Variants in SLC6A17 observed in about 807,000 individuals in gnomAD.
SLC6A17 encodes solute carrier family 6 member 17, also known as sodium-dependent neutral amino acid transporter SLC6A17.
A neutral mutation model predicts 64.5 loss-of-function variants in SLC6A17; 21 were observed. That is an observed-to-expected ratio of 0.33 (90% confidence interval 0.23 to 0.47). The LOEUF (loss-of-function observed/expected upper bound fraction) is 0.47, where lower values mean the gene tolerates loss of function less well. Among genes scored for constraint, SLC6A17 ranks in the 20% least tolerant of loss-of-function variants. SLC6A17 has a pLI of 1.00. For missense variants in SLC6A17, 682 were observed against 963.2 expected (o/e 0.71, Z 3.86); for synonymous variants, 372 against 399.5 (o/e 0.93, Z 0.82).
At chr1:110,178,074 A>T (rs983911146) in intron 6 of SLC6A17, 2 of 152,256 alleles carry the variant, frequency 1.3e-5, no homozygotes, top group African/African-American at 2.4e-5. Flanking sequence ...AAGAAAAAAT[A>T]AAAAACCTGG....
chr1:110,186,347 G>T (rs1656682809), intron 6 of SLC6A17, among the ~76,000 whole-genome samples: 1 of 151,386 alleles, frequency 6.6e-6, no homozygotes, highest in African/African-American at 2.4e-5. Context: ...GGTTTAGGGT[G>T]TGATGGAAAT....
At position 110,174,241 on chromosome 1, in the gene SLC6A17, T is replaced by C. The variant is rs1237647719; in HGVS notation, c.571+142T>C. 5 of 1,215,956 alleles carry C rather than the reference T, an allele frequency of 4.1e-6. No individual in the cohort carries two copies. The African/African-American group carries it at 7.7e-5, about 19-fold the overall frequency. The allele number at this position is 1,215,956 out of a possible 1,614,324, so 75.3% of individuals were successfully genotyped here. On this transcript the variant is annotated intron_variant, in intron 4 of 11. Coordinates refer to ENST00000331565, the MANE Select transcript of SLC6A17 (RefSeq NM_001010898.4). ...TAACATCTCTGATCCTCATTTCCCCTTCCCCAGTGGGAATGGTCTCTTTTC... is the reference window on the plus strand; with the variant it reads ...TAACATCTCTGATCCTCATTTCCCCCTCCCCAGTGGGAATGGTCTCTTTTC...
At chr1:110,190,870 TTAGTTATCACTC>T in intron 6 of SLC6A17, among the ~76,000 whole-genome samples, 1 of 152,312 alleles carries the variant, frequency 6.6e-6, no homozygotes, top group East Asian at 1.9e-4. Context: ...TATCTATATT[TTAGTTATCACTC>T]TGCCCCGACT....
At chr1:110,173,509 C>T (rs1656294942) in intron 3 of SLC6A17, among the ~76,000 whole-genome samples, 1 of 152,132 alleles carries the variant, frequency 6.6e-6, no homozygotes, top group Non-Finnish European at 1.5e-5. Flanking sequence ...CTAACATGCC[C>T]GAGAGAGTGG....
At chr1:110,173,409 C>T (rs938770299) in intron 3 of SLC6A17, among the ~76,000 whole-genome samples, 3 of 152,216 alleles carry the variant, frequency 2.0e-5, no homozygotes, top group Non-Finnish European at 4.4e-5. Context: ...CAGGCAGAGT[C>T]CATGCACTCC....
chr1:110,192,820 A>G lies in SLC6A17; in HGVS notation c.1299+122A>G, dbSNP rs1213094935. 2.2e-5 allele frequency: 25 copies of G among 1,132,914 alleles called. No individual in the cohort carries two copies. The highest frequency in any genetic ancestry group is 1.8e-4 in the East Asian group (7 of 38,390). The allele number at this position is 1,132,914 out of a possible 1,614,324, so 70.2% of individuals were successfully genotyped here. A position where few individuals can be genotyped will look rare whatever the true frequency, so the allele number is the denominator to read the frequency against. ...TAGTCATTAGTTTACTTGGTAAGCA[A>G]GGATCTGCTGTGTGTCCAGAGGGAG... On this transcript the variant is annotated intron_variant, in intron 8 of 11. Coordinates refer to ENST00000331565, the MANE Select transcript of SLC6A17 (RefSeq NM_001010898.4). This position sits in a 1 kb window ranked among gnomAD's most constrained non-coding sequence, Gnocchi z 4.3.
Position 110,166,823 on chromosome 1 carries a change from C to T in SLC6A17, c.-87-20C>T. The T allele has an allele frequency of 7.1e-7, 1 of 1,410,026 alleles. No individual in the cohort carries two copies. Among genetic ancestry groups the T allele is most frequent in the Non-Finnish European group, 9.4e-7 (1 of 1,059,242 alleles). 87.3% of individuals were successfully genotyped at this position (1,410,026 alleles called of 1,614,324 possible). Reference sequence around the variant, plus strand: ...CCTGGTGTGGTCAGATAATCCTTTACTGCTCACCTGGTTTCCTAGGTCCCT... The same window carrying T: ...CCTGGTGTGGTCAGATAATCCTTTATTGCTCACCTGGTTTCCTAGGTCCCT... On this transcript the variant is annotated intron_variant, in intron 1 of 11. Coordinates refer to ENST00000331565, the MANE Select transcript of SLC6A17 (RefSeq NM_001010898.4).
chr1:110,189,245 C>T (rs1656764442), intron 6 of SLC6A17, among the ~76,000 whole-genome samples: 1 of 152,214 alleles, frequency 6.6e-6, no homozygotes, highest in Non-Finnish European at 1.5e-5. Flanking sequence ...ACACATTCAG[C>T]TCAACCTTTG....
At chr1:110,173,835 A>G in intron 3 of SLC6A17, 138 bp from the exon 4 acceptor site, 1 of 1,292,326 alleles carries the variant, frequency 7.7e-7, no homozygotes, top group Non-Finnish European at 1.0e-6. Flanking sequence ...CACGGCCCGC[A>G]CCCTATCCCT....
chr1:110,158,691 A>G (rs1157662580), intron 1 of SLC6A17, among the ~76,000 whole-genome samples: 2 of 152,252 alleles, frequency 1.3e-5, no homozygotes, highest in African/African-American at 4.8e-5. Flanking sequence ...CATAAATGGC[A>G]GAGCAGGACT....
chr1:110,189,809 G>A (rs568987794), intron 6 of SLC6A17, among the ~76,000 whole-genome samples: 2 of 152,178 alleles, frequency 1.3e-5, no homozygotes, highest in South Asian at 2.1e-4. Context: ...TTGTGGCCTC[G>A]CTTTCATCAG....
chr1:110,156,745 A>C (rs1396845206), intron 1 of SLC6A17, among the ~76,000 whole-genome samples: 2 of 152,164 alleles, frequency 1.3e-5, no homozygotes, highest in East Asian at 3.8e-4. Flanking sequence ...GCTGCACTGG[A>C]GGCTGATGAG....
Position 110,171,518 on chromosome 1 carries a change from G to A in SLC6A17, c.287-542G>A, listed in dbSNP as rs59396652. On this transcript the variant is annotated intron_variant, in intron 2 of 11. Coordinates refer to ENST00000331565, the MANE Select transcript of SLC6A17 (RefSeq NM_001010898.4). Reference sequence around the variant, plus strand: ...TAGCTGTAGATTAGTGGCAAAGCTGGTCAGACCCCCTCTCCCTGGAGAGCT... The same window carrying A: ...TAGCTGTAGATTAGTGGCAAAGCTGATCAGACCCCCTCTCCCTGGAGAGCT... Among the ~76,000 whole-genome samples the A allele has an allele frequency of 8.6e-3, 1,306 of 152,228 alleles. 16 individuals carry two copies. The highest frequency in any genetic ancestry group is 0.03 in the African/African-American group (1,241 of 41,522).
chr1:110,191,562 C>T (rs951888498), intron 6 of SLC6A17, among the ~76,000 whole-genome samples: 1 of 152,168 alleles, frequency 6.6e-6, no homozygotes, highest in Non-Finnish European at 1.5e-5. Context: ...GCTGTGCAAG[C>T]TGTTCACTGC....
rs1656325734 is a variant in SLC6A17 at position 110,174,716 on chromosome 1, A to C, written c.572-63A>C. 3.8e-6 allele frequency: 6 copies of C among 1,571,716 alleles called. No individual in the cohort carries two copies. The South Asian group carries it at 7.2e-5, about 19-fold the overall frequency. On this transcript the variant is annotated intron_variant, in intron 4 of 11. Transcript: ENST00000331565. ...CCACTGCTGCCCTGAGTGGTGGTCC[A>C]GCAGAGGAAGTGACCCCATAGGCCC... is the stretch of plus-strand genomic sequence containing the variant.
At chr1:110,170,762 G>A (rs59531035) in intron 2 of SLC6A17, among the ~76,000 whole-genome samples, 5,657 of 152,088 alleles carry the variant, frequency 0.037, 365 homozygotes, top group African/African-American at 0.13. Context: ...TTGCCTCCCC[G>A]ATGGGCTTTC....
chr1:110,160,828 C>T (rs1382839930), intron 1 of SLC6A17, among the ~76,000 whole-genome samples: 1 of 152,146 alleles, frequency 6.6e-6, no homozygotes, highest in Non-Finnish European at 1.5e-5. Context: ...CTTGGGCTCC[C>T]TTCAGTAGGC....
rs1199447448 is a variant in SLC6A17, at chr1:110,166,973, A to G, written c.44A>G (p.Glu15Gly). 1.2e-6 allele frequency: 2 copies of G among 1,613,866 alleles called. No individual in the cohort carries two copies. Among genetic ancestry groups the G allele is most frequent in the Non-Finnish European group, 1.7e-6 (2 of 1,179,900 alleles). The change falls in exon 2 of 12, where the codon GAG (glutamate) becomes GGG (glycine). Residue 15 changes from glutamate (E) to glycine (G), a missense_variant. Physicochemically the swap from Glu to Gly is moderately conservative, Grantham distance 98. Transcript: ENST00000331565. ...GTGACCCAGCGTGAGCACAGCAGTG[A>G]GCATGTCACTGAGTCCGTGGCCGAC... is the stretch of plus-strand genomic sequence containing the variant. The part of the protein sequence containing the change: ...SKVTQREHSS[E>G]HVTESVADLL...
chr1:110,173,893 G>GACAACC, intron 3 of SLC6A17, 80 bp from the exon 4 acceptor site: 3 of 1,558,112 alleles, frequency 1.9e-6, no homozygotes, highest in South Asian at 1.2e-5. Context: ...CGCTGCCGAC[G>GACAACC]TGCTGGGCCT....
Sources: gnomAD v4.1 joint callset for allele counts (sites outside exome capture counted in the v4.1 genomes callset) on GRCh38, gnomAD v4.1.1 for gene constraint, Gnocchi (gnomAD v3.1) non-coding constraint, MANE v1.5 for transcripts, NCBI Gene and HGNC (gene_info 2026-07-23, HGNC 2026-07-21) for gene names.